The following ACSS2 variants were observed in gnomAD, a reference collection of about 807,000 sequenced individuals.
ACSS2 encodes the protein acyl-CoA synthetase short chain family member 2, also known as acetyl-coenzyme A synthetase, cytoplasmic.
In ACSS2, 58 loss-of-function variants were observed where a neutral mutation model predicts 90.6. The observed-to-expected ratio is 0.64, with a 90% CI of 0.52 to 0.80. ACSS2 has a LOEUF of 0.80. Among genes scored for constraint, ACSS2 ranks in the 30% least tolerant of loss-of-function variants. The pLI is 0.00. For missense variants in ACSS2, 759 were observed against 912.0 expected (o/e 0.83, Z 2.16); for synonymous variants, 300 against 330.9 (o/e 0.91, Z 1.01).
chr20:34,925,641 T>C, intron 14 of ACSS2, 57 bp from the exon 15 acceptor site: 3 of 1,548,684 alleles, frequency 1.9e-6, no homozygotes, highest in Non-Finnish European at 2.6e-6. Flanking sequence ...TTTGGTAATG[T>C]GGATCAGGTA....
At position 34,923,393 on chromosome 20, in the gene ACSS2, A is replaced by G. The variant is rs1465824587; in HGVS notation, c.1619A>G (p.Tyr540Cys). Residue 540 changes from tyrosine (Y) to cysteine (C), a missense_variant, in exon 14 of 18, where the codon TAC becomes TGC. Tyr to Cys is a radical substitution (Grantham distance 194). Coordinates refer to ENST00000360596, the MANE Select transcript of ACSS2 (RefSeq NM_018677.4). Reference sequence around the variant, plus strand: ...AACCACGAACGCTTTGAGACAACCTACTTTAAGAAGTTTCCTGGATACTAT... The same window carrying G: ...AACCACGAACGCTTTGAGACAACCTGCTTTAAGAAGTTTCCTGGATACTAT... ...YGNHERFETT[Y>C]FKKFPGYYVT... 1 of 1,614,214 alleles carries G rather than the reference A, an allele frequency of 6.2e-7. No homozygotes were observed. Among genetic ancestry groups the G allele is most frequent in the East Asian group, 2.2e-5 (1 of 44,892 alleles).
At chr20:34,892,353 T>C (rs2080355403) in intron 2 of ACSS2, among the ~76,000 whole-genome samples, 1 of 152,166 alleles carries the variant, frequency 6.6e-6, no homozygotes, top group Admixed American at 6.5e-5. Flanking sequence ...CTGGTAATGA[T>C]CCCCGGTGTC....
intron 2 of ACSS2, among the ~76,000 whole-genome samples, chr20:34,908,368 G>T (rs1284248579): frequency 1.3e-5 from 2 of 152,058 alleles, no homozygotes; most frequent in Non-Finnish European, 2.9e-5. Flanking sequence ...TAGCCATACT[G>T]TCTTTCTTTC....
intron 14 of ACSS2, among the ~76,000 whole-genome samples, chr20:34,925,478 C>T (rs114484244): frequency 0.014 from 2,083 of 152,156 alleles, 60 homozygotes; most frequent in African/African-American, 0.047. Context: ...TATGATGACA[C>T]AGACTAACCC....
intron 2 of ACSS2, among the ~76,000 whole-genome samples, chr20:34,890,180 G>C (rs2080299013): frequency 6.6e-6 from 1 of 152,050 alleles, no homozygotes; most frequent in Non-Finnish European, 1.5e-5. Context: ...GTAGATGGTG[G>C]AGAGACAGGG....
chr20:34,913,046 T>G, intron 2 of ACSS2, 50 bp from the exon 3 acceptor site: 1 of 1,411,876 alleles, frequency 7.1e-7, no homozygotes, highest in South Asian at 1.1e-5. Context: ...GTTTCTTGTT[T>G]GGGGAAGAAG....
intron 2 of ACSS2, among the ~76,000 whole-genome samples, chr20:34,905,116 C>T (rs1292390335): frequency 2.0e-5 from 3 of 151,858 alleles, no homozygotes; most frequent in Non-Finnish European, 4.4e-5. Flanking sequence ...CAAGTTCTCA[C>T]CATGTTGCCC....
In ACSS2 at chr20:34,920,524, C is replaced by G. The variant is rs1212347197; in HGVS notation, c.973-15C>G. On this transcript the variant is annotated splice_polypyrimidine_tract_variant and intron_variant, in intron 8 of 17. Coordinates refer to ENST00000360596, the MANE Select transcript of ACSS2 (RefSeq NM_018677.4). Reference sequence around the variant, plus strand: ...TGGGCATAAGACCCTAACCTGTTCCCCATTCTTCCCACAGGGTGTGGTTCA... The same window carrying G: ...TGGGCATAAGACCCTAACCTGTTCCGCATTCTTCCCACAGGGTGTGGTTCA... 1 of 1,612,396 alleles carries G rather than the reference C, an allele frequency of 6.2e-7. No individual in the cohort carries two copies. The highest frequency in any genetic ancestry group is 8.5e-7 in the Non-Finnish European group (1 of 1,179,678).
At chr20:34,908,005 G>C (rs2080851316) in intron 2 of ACSS2, among the ~76,000 whole-genome samples, 1 of 152,194 alleles carries the variant, frequency 6.6e-6, no homozygotes, top group Non-Finnish European at 1.5e-5. Flanking sequence ...GAAATCAGAA[G>C]ACCTGAGCAT....
At chr20:34,909,194 CAAAAAAAA>C (rs759144830) in intron 2 of ACSS2, among the ~76,000 whole-genome samples, 3 of 45,104 alleles carry the variant, frequency 6.7e-5, no homozygotes, top group Non-Finnish European at 1.3e-4. Flanking sequence ...CCTGTCTTTG[CAAAAAAAA>C]AAAAAAAAAA....
intron 2 of ACSS2, among the ~76,000 whole-genome samples, chr20:34,889,272 G>A (rs548952476): frequency 1.0e-3 from 152 of 151,816 alleles, no homozygotes; most frequent in South Asian, 1.9e-3. Flanking sequence ...ACAGGCGCCC[G>A]CCACCATGCC....
intron 15 of ACSS2, 101 bp downstream of exon 15, chr20:34,925,867 C>T: frequency 1.5e-6 from 2 of 1,347,296 alleles, no homozygotes; most frequent in Admixed American, 2.1e-5. Flanking sequence ...TTTGGCCAGA[C>T]CATGTACTAA....
chr20:34,913,340 G>A (rs1312241260), intron 3 of ACSS2, 53 bp from the exon 4 acceptor site: 4 of 1,584,150 alleles, frequency 2.5e-6, no homozygotes, highest in African/African-American at 1.3e-5. Flanking sequence ...ATGGGAGGGA[G>A]CAAGTAGCAG....
rs1283189673 is a variant in ACSS2 at position 34,927,098 on chromosome 20, A to T, written c.1990A>T (p.Arg664Trp). ...LPKTRSGKIM[R>W]RVLRKIAQND... Reference sequence around the variant, plus strand: ...CTGTGGTTCCCCAGGGAAAATCATGAGGCGAGTGCTTCGGAAGATTGCTCA... The same window carrying T: ...CTGTGGTTCCCCAGGGAAAATCATGTGGCGAGTGCTTCGGAAGATTGCTCA... Residue 664 changes from arginine (R) to tryptophan (W), a missense_variant, in exon 18 of 18, where the codon AGG becomes TGG. Arg to Trp is a moderately radical substitution (Grantham distance 101, BLOSUM62 -3). Transcript: ENST00000360596. The surrounding 1 kb of genome is among the most constrained non-coding windows in gnomAD (Gnocchi z 4.2). 1 of 1,614,020 alleles carries T rather than the reference A, an allele frequency of 6.2e-7. No individual in the cohort carries two copies. Among genetic ancestry groups the T allele is most frequent in the African/African-American group, 1.3e-5 (1 of 74,900 alleles).
At chr20:34,887,747 C>T (rs1014817299) in intron 2 of ACSS2, among the ~76,000 whole-genome samples, 1 of 150,334 alleles carries the variant, frequency 6.7e-6, no homozygotes, top group African/African-American at 2.5e-5. Context: ...ATCTCAAAAA[C>T]AAAATAAAAC....
At chr20:34,925,994 G>A (rs2081310430) in intron 15 of ACSS2, 111 bp from the exon 16 acceptor site, 5 of 1,192,818 alleles carry the variant, frequency 4.2e-6, no homozygotes, top group Non-Finnish European at 6.1e-6. Context: ...AGGAGTGAAT[G>A]AAGGGTCTTC....
chr20:34,915,441 T>C (rs2081058069), intron 7 of ACSS2, among the ~76,000 whole-genome samples: 1 of 152,112 alleles, frequency 6.6e-6, no homozygotes, highest in Non-Finnish European at 1.5e-5. Context: ...ACTGCCTCTG[T>C]GAATTGGTAT....
At chr20:34,917,633 G>A (rs2081101612) in intron 7 of ACSS2, among the ~76,000 whole-genome samples, 1 of 152,064 alleles carries the variant, frequency 6.6e-6, no homozygotes, top group Non-Finnish European at 1.5e-5. Context: ...TGCCAGCCAG[G>A]GCCATTGAAC....
chr20:34,902,536 A>G (rs951827961), intron 2 of ACSS2, among the ~76,000 whole-genome samples: 2 of 152,106 alleles, frequency 1.3e-5, no homozygotes, highest in Non-Finnish European at 2.9e-5. Context: ...TCTATCAGTC[A>G]GAAGGCCAGC....
Sources: gnomAD v4.1 joint callset for allele counts (sites outside exome capture counted in the v4.1 genomes callset) on GRCh38, gnomAD v4.1.1 for gene constraint, Gnocchi (gnomAD v3.1) non-coding constraint, MANE v1.5 for transcripts, NCBI Gene and HGNC (gene_info 2026-07-23, HGNC 2026-07-21) for gene names.